The following ROBO2 variants were observed in gnomAD, a reference collection of about 807,000 sequenced individuals.
ROBO2 encodes the protein roundabout homolog 2.
Under a neutral mutation model 160.8 loss-of-function variants are expected in ROBO2, and 53 were observed. That is an observed-to-expected ratio of 0.33 (90% CI 0.26 to 0.41). The LOEUF is 0.41. Ranked by LOEUF, ROBO2 falls within the 10% of genes least tolerant of loss-of-function variation. The pLI is 1.00. For missense variants in ROBO2, 1,577 were observed against 1,722.4 expected, an observed-to-expected ratio of 0.92 and a Z score of 1.49; for synonymous variants, 664 against 611.7, an observed-to-expected ratio of 1.09 and a Z score of -1.26.
chr3:77,164,667 G>T (rs576508671), intron 2 of ROBO2, among the ~76,000 whole-genome samples: 10 of 120,568 alleles, frequency 8.3e-5, no homozygotes, highest in African/African-American at 2.9e-4. Context: ...GAGGTGGGGG[G>T]GTCAGCCCCC....
chr3:76,469,535 C>G (rs1406748896), intron 2 of ROBO2, among the ~76,000 whole-genome samples: 1 of 152,076 alleles, frequency 6.6e-6, no homozygotes, highest in African/African-American at 2.4e-5. Context: ...TCACTTGAGC[C>G]TTAACGCATA....
chr3:76,849,434 T>C (rs539044965), intron 2 of ROBO2, among the ~76,000 whole-genome samples: 2 of 152,294 alleles, frequency 1.3e-5, no homozygotes, highest in South Asian at 4.1e-4. Context: ...CAGAACACTA[T>C]TAATTTTGCA....
Position 76,547,116 on chromosome 3 carries a change from T to G in ROBO2, c.110-550898T>G, listed in dbSNP as rs375538338. On this transcript the variant is annotated intron_variant, in intron 2 of 26. Transcript: ENST00000487694. ...TTTAATTTTCTTGATACAGTCCAAC[T>G]AGTATAACTTGATTTCTTATTTCAT... Among the ~76,000 whole-genome samples the G allele has an allele frequency of 1.1e-4, 16 of 152,110 alleles. 2 individuals are homozygous for G. The South Asian group carries it at 2.7e-3, about 26-fold the overall frequency.
intron 2 of ROBO2, among the ~76,000 whole-genome samples, chr3:77,408,905 A>G (rs954757132): frequency 1.3e-5 from 2 of 151,628 alleles, no homozygotes; most frequent in Non-Finnish European, 2.9e-5. Context: ...TTTAAGTTTT[A>G]AAATTTTTTA....
rs79629456 is a variant in ROBO2 at position 77,259,333 on chromosome 3, C to T, written c.388+160993C>T. Among the ~76,000 whole-genome samples, 739 of 152,258 alleles carry T rather than the reference C, an allele frequency of 4.9e-3. 7 individuals are homozygous for T. Among genetic ancestry groups the T allele is most frequent in the African/African-American group, 0.017 (693 of 41,556 alleles). On this transcript the variant is annotated intron_variant, in intron 2 of 25. Transcript: ENST00000461745. The stretch of plus-strand genomic sequence containing the variant: ...TAGAATGTAAGCACCATAGAAGTTG[C>T]GAATTTGTTTTGCGTGTCTCTATAT...
At chr3:76,434,830 A>C in intron 2 of ROBO2, 1 of 1,550,736 alleles carries the variant, frequency 6.4e-7, no homozygotes, top group Non-Finnish European at 8.9e-7. Flanking sequence ...GTATCTGATG[A>C]CATGAAGACT....
chr3:76,496,872 C>T (rs1290554424), intron 2 of ROBO2, among the ~76,000 whole-genome samples: 1 of 152,198 alleles, frequency 6.6e-6, no homozygotes, highest in African/African-American at 2.4e-5. Flanking sequence ...TTGCAATAGA[C>T]TTGTGGCTTG....
intron 2 of ROBO2, among the ~76,000 whole-genome samples, chr3:76,834,976 C>T (rs192792949): frequency 6.6e-6 from 1 of 152,148 alleles, no homozygotes; most frequent in Non-Finnish European, 1.5e-5. Context: ...TCAACTAAGT[C>T]TATGCTTTCA....
At chr3:76,714,982 T>C (rs761524459) in intron 2 of ROBO2, among the ~76,000 whole-genome samples, 1 of 152,150 alleles carries the variant, frequency 6.6e-6, no homozygotes, top group Non-Finnish European at 1.5e-5. Context: ...TCATAAACAT[T>C]ATTTCTTTCA....
In ROBO2 at chr3:76,990,171, T is replaced by C. The variant is rs531842181; in HGVS notation, c.110-107843T>C. ...TTTAGGGTAGCTATTACAAACTCAG[T>C]GGGATTCATCACGATGTATTTTCTT... On this transcript the variant is annotated intron_variant, in intron 2 of 26. Coordinates refer to the ROBO2 transcript ENST00000487694. 2.8e-3 allele frequency among the ~76,000 whole-genome samples: 430 copies of C among 152,304 alleles called. 1 individual carries two copies. Among genetic ancestry groups the C allele is most frequent in the Middle Eastern group, 6.8e-3 (2 of 294 alleles).
At chr3:77,403,335 T>G (rs564506117) in intron 2 of ROBO2, among the ~76,000 whole-genome samples, 2 of 152,256 alleles carry the variant, frequency 1.3e-5, no homozygotes, top group South Asian at 4.1e-4. Flanking sequence ...CTAGCTAAAA[T>G]TTTGAAACCT....
chr3:77,543,621 G>T lies in ROBO2; in HGVS notation c.935-2717G>T, dbSNP rs191256551. Among the ~76,000 whole-genome samples the T allele has an allele frequency of 3.2e-3, 494 of 152,236 alleles. 6 individuals are homozygous for T. The highest frequency in any genetic ancestry group is 5.3e-3 in the Non-Finnish European group (360 of 68,016). On this transcript the variant is annotated intron_variant, in intron 6 of 25. Transcript: ENST00000461745. The stretch of plus-strand genomic sequence containing the variant: ...TACACATGGTAATTTTAGTGATAGA[G>T]ATTTGTAATTTTACTGGATAGATGA...
chr3:77,110,896 C>G (rs1240076938), intron 2 of ROBO2, among the ~76,000 whole-genome samples: 1 of 152,010 alleles, frequency 6.6e-6, no homozygotes, highest in Non-Finnish European at 1.5e-5. Context: ...GTTTCACTCT[C>G]TTGCCCAGAC....
At chr3:75,989,553 T>G (rs1481660297) in intron 2 of ROBO2, among the ~76,000 whole-genome samples, 1 of 152,194 alleles carries the variant, frequency 6.6e-6, no homozygotes, top group Non-Finnish European at 1.5e-5. Flanking sequence ...ATTTTATAAT[T>G]TACAACAAGA....
intron 5 of ROBO2, among the ~76,000 whole-genome samples, chr3:77,497,435 G>A (rs933962197): frequency 6.6e-6 from 1 of 152,118 alleles, no homozygotes; most frequent in Non-Finnish European, 1.5e-5. Context: ...CATTTAGTGA[G>A]TGCCTACTAC....
At chr3:77,108,449 G>A (rs1560026901) in intron 2 of ROBO2, among the ~76,000 whole-genome samples, 4 of 152,120 alleles carry the variant, frequency 2.6e-5, no homozygotes, top group South Asian at 4.2e-4. Context: ...CGAAGTGCTA[G>A]GATTACAAGT....
At chr3:76,941,414 T>G (rs2078177933) in intron 2 of ROBO2, among the ~76,000 whole-genome samples, 1 of 152,174 alleles carries the variant, frequency 6.6e-6, no homozygotes, top group Non-Finnish European at 1.5e-5. Flanking sequence ...TAATACAAAT[T>G]CTTCACCTAG....
intron 5 of ROBO2, among the ~76,000 whole-genome samples, chr3:77,513,084 G>GT (rs1332930826): frequency 1.3e-5 from 2 of 151,900 alleles, no homozygotes; most frequent in Non-Finnish European, 2.9e-5. Context: ...CAGTCAGGAA[G>GT]TTTTATAGAG....
At chr3:76,715,893 G>A (rs2093371303) in intron 2 of ROBO2, among the ~76,000 whole-genome samples, 2 of 152,064 alleles carry the variant, frequency 1.3e-5, no homozygotes, top group South Asian at 2.1e-4. Context: ...ATACAACAAA[G>A]GGGACACATA....
Sources: gnomAD v4.1 joint callset for allele counts (sites outside exome capture counted in the v4.1 genomes callset) on GRCh38, gnomAD v4.1.1 for gene constraint, MANE v1.5 for transcripts, NCBI Gene and HGNC (gene_info 2026-07-23, HGNC 2026-07-21) for gene names.